The following LRRC72 variants were observed in gnomAD, a reference collection of about 807,000 sequenced individuals.
The protein encoded by LRRC72 is leucine rich repeat containing 72.
In LRRC72, 41 loss-of-function variants were observed where a neutral mutation model predicts 35.8. The observed-to-expected ratio is 1.15, with a 90% CI of 0.89 to 1.49. The LOEUF (loss-of-function observed/expected upper bound fraction) is 1.49. LRRC72 is among the 40% of genes most tolerant of loss of function. LRRC72 has a pLI of 0.00. For synonymous variants in LRRC72, 118 were observed against 119.2 expected (o/e 0.99, Z 0.07); for missense variants, 389 against 330.7 (o/e 1.18, Z -1.37).
chr7:16,545,663 C>T (rs1782433070), intron 3 of LRRC72, among the ~76,000 whole-genome samples: 1 of 151,930 alleles, frequency 6.6e-6, no homozygotes, highest in Admixed American at 6.6e-5. Context: ...TTTCTGTTAC[C>T]TTAGGGCAAC....
chr7:16,556,175 T>C (rs1782647443), intron 3 of LRRC72, among the ~76,000 whole-genome samples: 1 of 152,224 alleles, frequency 6.6e-6, no homozygotes, highest in East Asian at 1.9e-4. Flanking sequence ...TAATGGTTCA[T>C]TTGAGGAAAT....
intron 7 of LRRC72, among the ~76,000 whole-genome samples, chr7:16,574,358 A>T (rs1783000830): frequency 2.0e-5 from 3 of 152,228 alleles, no homozygotes; most frequent in Admixed American, 1.3e-4. Flanking sequence ...ACATATGTTT[A>T]TTGCAGCACT....
intron 3 of LRRC72, among the ~76,000 whole-genome samples, chr7:16,554,949 G>A (rs1462953744): frequency 6.6e-6 from 1 of 152,196 alleles, no homozygotes; most frequent in Non-Finnish European, 1.5e-5. Context: ...ATTTCCACTG[G>A]CATTGTTTTC....
At chr7:16,561,471 G>A (rs1006087367) in intron 5 of LRRC72, among the ~76,000 whole-genome samples, 5 of 152,094 alleles carry the variant, frequency 3.3e-5, no homozygotes, top group Non-Finnish European at 5.9e-5. Context: ...GCTTGTCAAG[G>A]GTGTATGTGA....
chr7:16,566,322 A>G lies in LRRC72; in HGVS notation c.437A>G (p.Gln146Arg). The change falls in exon 6 of 9, where the codon CAA (glutamine) becomes CGA (arginine). Residue 146 changes from glutamine (Q) to arginine (R), a missense_variant. By Grantham distance (43) the Gln-to-Arg change is conservative (BLOSUM62 1). Transcript: ENST00000401542. ...MLNLKILSLYQNPLCQYNLYR... is the reference protein window; with the variant it reads ...MLNLKILSLYRNPLCQYNLYR... ...GATTCTTCATTTGCAGGTCTATACCAAAATCCTTTGTGCCAATATAACCTG... is the reference window on the plus strand; with the variant it reads ...GATTCTTCATTTGCAGGTCTATACCGAAATCCTTTGTGCCAATATAACCTG... 6.5e-7 allele frequency: 1 copy of G among 1,537,424 alleles called. No homozygotes were observed. Among genetic ancestry groups the G allele is most frequent in the Non-Finnish European group, 8.8e-7 (1 of 1,141,948 alleles).
intron 7 of LRRC72, among the ~76,000 whole-genome samples, chr7:16,576,862 G>A (rs1261454636): frequency 6.6e-6 from 1 of 152,192 alleles, no homozygotes; most frequent in East Asian, 1.9e-4. Context: ...CCTGGCAGGT[G>A]AGGCATGTAC....
intron 7 of LRRC72, among the ~76,000 whole-genome samples, chr7:16,579,654 G>A (rs888440604): frequency 1.2e-4 from 19 of 152,148 alleles, no homozygotes; most frequent in Non-Finnish European, 1.9e-4. Flanking sequence ...TGGTTGAAAT[G>A]TTCCTAAATA....
At chr7:16,565,850 G>C (rs1282537924) in intron 5 of LRRC72, among the ~76,000 whole-genome samples, 2 of 152,200 alleles carry the variant, frequency 1.3e-5, no homozygotes, top group African/African-American at 4.8e-5. Flanking sequence ...GAGGAAGTAA[G>C]TTCTATTAGA....
intron 6 of LRRC72, among the ~76,000 whole-genome samples, chr7:16,566,889 A>C (rs182887720): frequency 1.5e-3 from 236 of 152,284 alleles, no homozygotes; most frequent in South Asian, 7.9e-3. Context: ...TATAAGCCAC[A>C]TGCACACACA....
At chr7:16,537,842 G>A in intron 3 of LRRC72, 146 bp downstream of exon 3, 1 of 533,038 alleles carries the variant, frequency 1.9e-6, no homozygotes, top group Non-Finnish European at 3.3e-6. Context: ...ATATATATCT[G>A]GTACATATAT....
intron 7 of LRRC72, among the ~76,000 whole-genome samples, chr7:16,576,334 A>T (rs1263090276): frequency 6.6e-6 from 1 of 152,194 alleles, no homozygotes; most frequent in Non-Finnish European, 1.5e-5. Flanking sequence ...ATTCTAAAAA[A>T]TTATAAGAGT....
chr7:16,580,837 C>G (rs996562782), intron 8 of LRRC72, among the ~76,000 whole-genome samples: 53 of 152,190 alleles, frequency 3.5e-4, no homozygotes, highest in African/African-American at 1.3e-3. Flanking sequence ...TTTTCAAATT[C>G]ATGAATACTG....
intron 3 of LRRC72, among the ~76,000 whole-genome samples, chr7:16,548,568 C>A (rs554673178): frequency 6.6e-6 from 1 of 152,354 alleles, no homozygotes; most frequent in Non-Finnish European, 1.5e-5. Context: ...CCTGGCCCAG[C>A]CACAGCCTCA....
At chr7:16,555,885 A>T (rs1332374582) in intron 3 of LRRC72, among the ~76,000 whole-genome samples, 1 of 152,218 alleles carries the variant, frequency 6.6e-6, no homozygotes, top group Admixed American at 6.5e-5. Context: ...ATACTTGATC[A>T]ATAACTCGTT....
At chr7:16,569,678 G>A (rs533987192) in intron 7 of LRRC72, among the ~76,000 whole-genome samples, 98 of 150,564 alleles carry the variant, frequency 6.5e-4, no homozygotes, top group Non-Finnish European at 9.7e-4. Flanking sequence ...AGGATGCACA[G>A]CTATGGCAAG....
At chr7:16,572,236 A>G (rs1210264677) in intron 7 of LRRC72, among the ~76,000 whole-genome samples, 2 of 152,220 alleles carry the variant, frequency 1.3e-5, no homozygotes, top group Admixed American at 6.5e-5. Flanking sequence ...TACAAAGAGG[A>G]GCTAGTACCA....
chr7:16,581,340 C>A lies in LRRC72; in HGVS notation c.715C>A (p.Pro239Thr), dbSNP rs371325641. The A allele has an allele frequency of 2.2e-5, 34 of 1,516,538 alleles. No individual in the cohort carries two copies. In the South Asian group the frequency reaches 3.5e-4, roughly 16 times the overall value. The allele number at this position is 1,516,538 out of a possible 1,614,324, so 93.9% of individuals were successfully genotyped here. ...NNVDKTVLDD[P>T]EDAVFVRSMK... ...TTTTTGCAGAACTGTGCTTGATGAC[C>A]CAGAAGATGCTGTTTTTGTGAGGTC... Residue 239 changes from proline (P) to threonine (T), a missense_variant, in exon 9 of 9, where the codon CCA (proline) becomes ACA (threonine). Physicochemically the swap from Pro to Thr is conservative, Grantham distance 38. Transcript: ENST00000401542.
intron 3 of LRRC72, among the ~76,000 whole-genome samples, chr7:16,543,847 C>A (rs1490852532): frequency 6.6e-6 from 1 of 152,200 alleles, no homozygotes; most frequent in East Asian, 1.9e-4. Flanking sequence ...TAGAGAAAGG[C>A]AGAGCCCAGA....
chr7:16,526,909 G>T lies in LRRC72; in HGVS notation c.-44G>T. On this transcript the variant is annotated 5_prime_UTR_variant, in exon 1 of 9. Transcript: ENST00000401542. ...TCTCTCTTCGGTGCCACCGGCGGGC[G>T]AGGCCGGATTAATCACCGCTGCTTC... 6.7e-7 allele frequency: 1 copy of T among 1,487,664 alleles called. No individual in the cohort carries two copies. The highest frequency in any genetic ancestry group is 1.2e-5 in the South Asian group (1 of 82,914). 92.2% of individuals were successfully genotyped at this position (1,487,664 alleles called of 1,614,324 possible). A position where few individuals can be genotyped will look rare whatever the true frequency, so the allele number is the denominator to read the frequency against.
Sources: gnomAD v4.1 joint callset for allele counts (sites outside exome capture counted in the v4.1 genomes callset) on GRCh38, gnomAD v4.1.1 for gene constraint, MANE v1.5 for transcripts, NCBI Gene and HGNC (gene_info 2026-07-23, HGNC 2026-07-21) for gene names.